Variants in PPIL2 observed in about 807,000 individuals in gnomAD.
PPIL2 encodes the protein RING-type E3 ubiquitin-protein ligase PPIL2.
In PPIL2, 50 loss-of-function variants were observed where a neutral mutation model predicts 75.2. The ratio of observed to expected loss-of-function variants is 0.66; its 90% confidence interval spans 0.53 to 0.84. The LOEUF (loss-of-function observed/expected upper bound fraction) is 0.84. Ranked by LOEUF, PPIL2 falls within the 40% of genes least tolerant of loss-of-function variation. PPIL2 has a pLI of 0.00. For synonymous variants in PPIL2, 245 were observed against 258.8 expected (o/e 0.95, Z 0.51); for missense variants, 590 against 685.0 (o/e 0.86, Z 1.55).
At position 21,693,842 on chromosome 22, in the gene PPIL2, A is replaced by G. The variant is rs1451070994; in HGVS notation, c.1166A>G (p.Tyr389Cys). ...QFFITFRSCAYLDKKHTIFGR... is the reference protein window; with the variant it reads ...QFFITFRSCACLDKKHTIFGR... Reference sequence around the variant, plus strand: ...TTCATCACGTTTCGCTCCTGTGCCTACCTGGACAAGAAGCATACCATCTTT... The same window carrying G: ...TTCATCACGTTTCGCTCCTGTGCCTGCCTGGACAAGAAGCATACCATCTTT... Residue 389 changes from tyrosine to cysteine, a missense_variant, in exon 16 of 20, where the codon TAC becomes TGC. Transcript: ENST00000398831. 6.5e-7 allele frequency: 1 copy of G among 1,547,880 alleles called. No individual in the cohort carries two copies. The highest frequency in any genetic ancestry group is 8.9e-7 in the Non-Finnish European group (1 of 1,119,830).
chr22:21,696,309 A>C lies in PPIL2; in HGVS notation c.*819A>C. On this transcript the variant is annotated 3_prime_UTR_variant, in exon 20 of 20. Coordinates refer to ENST00000398831, the MANE Select transcript of PPIL2 (RefSeq NM_014337.4). ...CCTGGCGTCTCTGTGCCCCTGTGAG[A>C]ATCTTGAGGGGACCCACACTGGGTT... The C allele has an allele frequency of 9.6e-7, 1 of 1,045,914 alleles. No homozygotes were observed. Among genetic ancestry groups the C allele is most frequent in the Non-Finnish European group, 1.2e-6 (1 of 866,464 alleles). 64.8% of individuals were successfully genotyped at this position (1,045,914 alleles called of 1,614,324 possible).
At chr22:21,682,682 C>T (rs1222009727) in intron 8 of PPIL2, among the ~76,000 whole-genome samples, 156 bp downstream of exon 8, 1 of 143,524 alleles carries the variant, frequency 7.0e-6, no homozygotes, top group Admixed American at 7.0e-5. Context: ...GGCTCTGCTT[C>T]AGCGCCTCGA....
intron 15 of PPIL2, among the ~76,000 whole-genome samples, chr22:21,692,383 T>C (rs1430188193): frequency 1.3e-5 from 2 of 151,434 alleles, no homozygotes; most frequent in Admixed American, 1.3e-4. Context: ...CTCGATCTCC[T>C]GACCTTGTGA....
At chr22:21,682,601 C>A in intron 8 of PPIL2, 75 bp downstream of exon 8, 1 of 1,264,016 alleles carries the variant, frequency 7.9e-7, no homozygotes, top group Non-Finnish European at 1.1e-6. Flanking sequence ...AGGGCCCTAC[C>A]CCCACGTCAG....
intron 8 of PPIL2, 29 bp from the exon 9 acceptor site, chr22:21,683,153 C>T: frequency 6.3e-7 from 1 of 1,589,416 alleles, no homozygotes; most frequent in Non-Finnish European, 8.6e-7. Flanking sequence ...GCTGGGTTCA[C>T]TCTGCTGGGC....
chr22:21,675,836 C>G (rs1428156386), intron 6 of PPIL2, among the ~76,000 whole-genome samples: 1 of 152,222 alleles, frequency 6.6e-6, no homozygotes, highest in African/African-American at 2.4e-5. Flanking sequence ...CTAGGCTTTT[C>G]TTTGCCACAG....
Position 21,697,122 on chromosome 22 carries a change from G to A in PPIL2, c.*1632G>A, listed in dbSNP as rs2067968846. On this transcript the variant is annotated 3_prime_UTR_variant, in exon 20 of 20. Transcript: ENST00000398831. ...CAGGCACTGTCCTCCGCAAGGCCTG[G>A]TGCAGCCCTGGCAGTAACTGGCTTG... 2.2e-6 allele frequency: 2 copies of A among 923,792 alleles called. No homozygotes were observed. The highest frequency in any genetic ancestry group is 1.7e-5 in the African/African-American group (1 of 59,946). The allele number at this position is 923,792 out of a possible 1,614,324, so 57.2% of individuals were successfully genotyped here.
At chr22:21,692,326 T>C (rs1482791915) in intron 15 of PPIL2, among the ~76,000 whole-genome samples, 2 of 151,756 alleles carry the variant, frequency 1.3e-5, no homozygotes, top group Non-Finnish European at 2.9e-5. Flanking sequence ...GGCTAATTTT[T>C]TGTATTTTTA....
At chr22:21,681,582 G>T (rs1046200222) in intron 7 of PPIL2, among the ~76,000 whole-genome samples, 192 bp downstream of exon 7, 1 of 152,240 alleles carries the variant, frequency 6.6e-6, no homozygotes, top group African/African-American at 2.4e-5. Context: ...GTCAAAAAAA[G>T]GGTTGGGGGA....
chr22:21,680,047 C>A (rs1470894015), intron 6 of PPIL2, among the ~76,000 whole-genome samples: 1 of 148,786 alleles, frequency 6.7e-6, no homozygotes, highest in East Asian at 2.0e-4. Context: ...CCGAGGAGAT[C>A]ATGCCACTGC....
chr22:21,695,904 C>G lies in PPIL2; in HGVS notation c.*414C>G. The G allele has an allele frequency of 2.1e-5, 20 of 963,096 alleles. No homozygotes were observed. The highest frequency in any genetic ancestry group is 2.5e-5 in the Non-Finnish European group (20 of 790,828). 59.7% of individuals were successfully genotyped at this position (963,096 alleles called of 1,614,324 possible). On this transcript the variant is annotated 3_prime_UTR_variant, in exon 20 of 20. Coordinates refer to ENST00000398831, the MANE Select transcript of PPIL2 (RefSeq NM_014337.4). ...TGGTGTGATCATGGCTCACTGCAGC[C>G]TCGACCTCCTGGGCTCAAGCAATCC...
At chr22:21,693,974 G>A (rs1343583147) in intron 16 of PPIL2, 102 bp downstream of exon 16, 26 of 1,252,696 alleles carry the variant, frequency 2.1e-5, no homozygotes, top group Non-Finnish European at 2.9e-5. Context: ...CCTGAGTCAT[G>A]TGCCATGCTG....
In PPIL2 at chr22:21,687,721, C is replaced by T. The variant is rs774206903; in HGVS notation, c.976C>T (p.Arg326Trp). The change falls in exon 13 of 20, where the codon CGG (arginine) becomes TGG (tryptophan). Residue 326 changes from arginine (R) to tryptophan (W), a missense_variant. Transcript: ENST00000398831. ...TGGCACCATCTTCCACAGATCCATC[C>T]GGAACTTTGTGGTGAGTGACGAGAG... ...YDGTIFHRSIRNFVIQGGDPT... is the reference protein window; with the variant it reads ...YDGTIFHRSIWNFVIQGGDPT... The T allele has an allele frequency of 2.6e-5, 42 of 1,613,188 alleles. No homozygotes were observed. The highest frequency in any genetic ancestry group is 4.0e-5 in the African/African-American group (3 of 74,908).
At chr22:21,666,981 G>GCCCCAGAA (rs2066411624) in intron 1 of PPIL2, among the ~76,000 whole-genome samples, 1 of 151,776 alleles carries the variant, frequency 6.6e-6, no homozygotes, top group Non-Finnish European at 1.5e-5. Context: ...CCCCAGAACT[G>GCCCCAGAA]TTGGGCTTCT....
At chr22:21,682,632 A>AGGTGGCTTTG in intron 8 of PPIL2, 106 bp downstream of exon 8, 5 of 600,644 alleles carry the variant, frequency 8.3e-6, no homozygotes, top group Non-Finnish European at 1.2e-5. Flanking sequence ...ATCTGTCCTC[A>AGGTGGCTTTG]AAGCCACCTG....
At chr22:21,672,512 A>G (rs2066675153) in intron 5 of PPIL2, 131 bp downstream of exon 5, 2 of 877,812 alleles carry the variant, frequency 2.3e-6, no homozygotes, top group Non-Finnish European at 3.7e-6. Flanking sequence ...GAGGAGGGAC[A>G]GTCTTCCCCT....
Position 21,695,376 on chromosome 22 carries a change from G to C in PPIL2, c.1467-18G>C. 1.9e-6 allele frequency: 3 copies of C among 1,588,744 alleles called. No homozygotes were observed. Among genetic ancestry groups the C allele is most frequent in the South Asian group, 2.3e-5 (2 of 87,500 alleles). ...CTGAGGGAGGGTGTGGGCTCCCAGC[G>C]GCTTCTTCTCTTCCCAGGAAGCGAG... On this transcript the variant is annotated intron_variant, in intron 19 of 19. Coordinates refer to ENST00000398831, the MANE Select transcript of PPIL2 (RefSeq NM_014337.4).
chr22:21,686,537 CCGGAGACCACACATGAAGCAGGTAGCCA>C lies in PPIL2; in HGVS notation c.771_790+8del. The stretch of plus-strand genomic sequence containing the variant: ...TTCCTTCACCTCCACCGCGATGGTC[CCGGAGACCACACATGAAGCAGGTAGCCA>C]CCTTGGCCTCTGTAGCCACCTGCCA... On this transcript the variant is annotated splice_donor_variant and splice_donor_5th_base_variant and coding_sequence_variant and intron_variant, in exon 11 of 20. Transcript: ENST00000398831. LOFTEE classifies it high-confidence loss of function. 6.2e-7 allele frequency: 1 copy of C among 1,614,158 alleles called. No individual in the cohort carries two copies. Among genetic ancestry groups the C allele is most frequent in the Non-Finnish European group, 8.5e-7 (1 of 1,180,008 alleles).
intron 15 of PPIL2, among the ~76,000 whole-genome samples, chr22:21,691,168 T>C (rs2067615141): frequency 6.6e-6 from 1 of 151,560 alleles, no homozygotes; most frequent in African/African-American, 2.4e-5. Context: ...GGTCTCCAAC[T>C]CCTGACCTCA....
Sources: gnomAD v4.1 joint callset for allele counts (sites outside exome capture counted in the v4.1 genomes callset) on GRCh38, gnomAD v4.1.1 for gene constraint, MANE v1.5 for transcripts, NCBI Gene and HGNC (gene_info 2026-07-23, HGNC 2026-07-21) for gene names.